Variants in APEX2 observed in about 807,000 individuals in gnomAD.
The protein encoded by APEX2 is DNA-(apurinic or apyrimidinic site) endonuclease 2.
APEX2 carries 4 observed loss-of-function variants against 16.7 expected under a neutral mutation model. The observed-to-expected ratio is 0.24, with a 90% CI of 0.12 to 0.55. The LOEUF is 0.55. APEX2 is among the 20% of genes least tolerant of loss of function. The probability of loss-of-function intolerance (pLI) is 0.94; values close to 1 mark genes in which losing one functional copy is unlikely to be tolerated. For synonymous variants in APEX2, 181 were observed against 166.9 expected (o/e 1.08, Z -0.65); for missense variants, 357 against 433.6 (o/e 0.82, Z 1.57).
Position 55,000,369 on chromosome X carries a change from C to A in APEX2, c.-54C>A. On this transcript the variant is annotated 5_prime_UTR_variant, in exon 1 of 6. Coordinates refer to ENST00000374987, the MANE Select transcript of APEX2 (RefSeq NM_014481.4). ...GCCTGGCCAACTTCTGAACAGGAAG[C>A]AGTTCGCTCGCGCCTAGGTTGGCGC... The A allele has an allele frequency of 9.2e-7, 1 of 1,091,774 alleles. No individual in the cohort carries two copies. 90.0% of individuals were successfully genotyped at this position (1,091,774 alleles called of 1,213,427 possible).
At chrX:55,002,212 G>A in intron 2 of APEX2, 39 bp from the exon 3 acceptor site, 1 of 1,129,958 alleles carries the variant, frequency 8.8e-7, no homozygotes, top group East Asian at 3.1e-5. Flanking sequence ...ACAGGCTATT[G>A]ACTGCCAGGT....
Position 55,006,832 on chromosome X carries a change from A to G in APEX2, c.954A>G (p.Ala318=). The part of the protein sequence containing the change: ...GAVLSVSSVP[A]KQCPPLCTRF... ...TCTTGAGTGTGTCCTCTGTGCCTGC[A>G]AAACAGTGCCCACCTCTGTGCACCC... Residue 318 remains alanine, a synonymous_variant, in exon 6 of 6, where the codon GCA becomes GCG. Coordinates refer to ENST00000374987, the MANE Select transcript of APEX2 (RefSeq NM_014481.4). 8.3e-7 allele frequency: 1 copy of G among 1,211,734 alleles called. No homozygotes were observed. The highest frequency in any genetic ancestry group is 1.1e-6 in the Non-Finnish European group (1 of 895,469).
intron 1 of APEX2, among the ~76,000 whole-genome samples, chrX:55,001,308 C>G (rs182546911): frequency 2.6e-4 from 29 of 110,701 alleles, no homozygotes; most frequent in African/African-American, 8.9e-4. Flanking sequence ...TAATTCTCCA[C>G]CTCCACTTCA....
At position 55,007,149 on chromosome X, in the gene APEX2, C is replaced by T. The variant is rs753975587; in HGVS notation, c.1271C>T (p.Pro424Leu). The change falls in exon 6 of 6, where the codon CCG (proline) becomes CTG (leucine). Residue 424 changes from proline (P) to leucine (L), a missense_variant. Transcript: ENST00000374987. The part of the protein sequence containing the change: ...SLPLMSALMT[P>L]KTPEEKAVAK... Reference sequence around the variant, plus strand: ...CCACTGATGAGCGCCCTCATGACCCCGAAGACTCCAGAAGAGAAGGCAGTG... The same window carrying T: ...CCACTGATGAGCGCCCTCATGACCCTGAAGACTCCAGAAGAGAAGGCAGTG... 1.1e-5 allele frequency: 13 copies of T among 1,210,212 alleles called. No homozygotes were observed. The highest frequency in any genetic ancestry group is 2.3e-4 in the Middle Eastern group (1 of 4,375).
intron 4 of APEX2, among the ~76,000 whole-genome samples, chrX:55,003,473 A>G (rs1383889565): frequency 2.7e-5 from 3 of 112,245 alleles, no homozygotes; most frequent in Non-Finnish European, 1.9e-5. Flanking sequence ...GGAGGACAGG[A>G]AAGTGAGGGT....
rs778478658 is a variant in APEX2, at chrX:55,003,065, C to T, written c.526C>T (p.Arg176Cys). 15 of 1,212,144 alleles carry T rather than the reference C, an allele frequency of 1.2e-5. No homozygotes were observed. Among genetic ancestry groups the T allele is most frequent in the Admixed American group, 1.1e-4 (5 of 46,113 alleles). Reference sequence around the variant, plus strand: ...GCTAGTCTTTAAGATGCGCTTCTATCGTTTGCTGCAAATCCGAGCAGAAGC... The same window carrying T: ...GCTAGTCTTTAAGATGCGCTTCTATTGTTTGCTGCAAATCCGAGCAGAAGC... ...ERLVFKMRFY[R>C]LLQIRAEALL... is the part of the protein sequence containing the mutation. The change falls in exon 4 of 6, where the codon CGT (arginine) becomes TGT (cysteine). Residue 176 changes from arginine to cysteine, a missense_variant. Coordinates refer to ENST00000374987, the MANE Select transcript of APEX2 (RefSeq NM_014481.4).
rs748384479 is a variant in APEX2 at position 55,000,395 on chromosome X, G to A, written c.-28G>A. ...AGTTCGCTCGCGCCTAGGTTGGCGC[G>A]GGCTGGGAGGTGTTCCAGCCCTTTA... On this transcript the variant is annotated 5_prime_UTR_variant, in exon 1 of 6. Transcript: ENST00000374987. The A allele has an allele frequency of 2.0e-5, 22 of 1,127,994 alleles. No individual in the cohort carries two copies. Among genetic ancestry groups the A allele is most frequent in the East Asian group, 3.4e-5 (1 of 29,453 alleles). 93.0% of individuals were successfully genotyped at this position (1,127,994 alleles called of 1,213,427 possible).
At chrX:55,003,194 C>A in intron 4 of APEX2, 86 bp downstream of exon 4, 1 of 1,066,351 alleles carries the variant, frequency 9.4e-7, no homozygotes, top group Admixed American at 2.9e-5. Flanking sequence ...GGGATATGGA[C>A]CCTTTGTCTC....
intron 3 of APEX2, 91 bp from the exon 4 acceptor site, chrX:55,002,871 A>G: frequency 9.7e-7 from 1 of 1,027,486 alleles, no homozygotes; most frequent in Non-Finnish European, 1.3e-6. Flanking sequence ...TCCATCCCAG[A>G]CAGTCACAAA....
At chrX:55,002,209 A>G (rs758357928) in intron 2 of APEX2, 42 bp from the exon 3 acceptor site, 35 of 1,120,027 alleles carry the variant, frequency 3.1e-5, no homozygotes, top group Non-Finnish European at 4.0e-5. Context: ...GCAACAGGCT[A>G]TTGACTGCCA....
At chrX:55,003,369 A>C (rs1935468780) in intron 4 of APEX2, among the ~76,000 whole-genome samples, 1 of 112,435 alleles carries the variant, frequency 8.9e-6, no homozygotes, top group African/African-American at 3.2e-5. Context: ...TTGTCAAATG[A>C]ATATATGAAT....
chrX:55,005,144 G>A (rs894183098), intron 5 of APEX2, among the ~76,000 whole-genome samples: 11 of 112,148 alleles, frequency 9.8e-5, no homozygotes, highest in African/African-American at 3.6e-4. Flanking sequence ...ATGAGCAGAA[G>A]TGAGAGAATG....
intron 3 of APEX2, 32 bp from the exon 4 acceptor site, chrX:55,002,930 T>A: frequency 8.4e-7 from 1 of 1,195,906 alleles, no homozygotes; most frequent in Non-Finnish European, 1.1e-6. Flanking sequence ...GGTTTGAAAC[T>A]GACCCCTTTT....
Position 55,001,601 on chromosome X carries a change from C to T in APEX2, c.213C>T (p.Ser71=), listed in dbSNP as rs746820180. 1.7e-6 allele frequency: 2 copies of T among 1,207,201 alleles called. No homozygotes were observed. The highest frequency in any genetic ancestry group is 4.4e-5 in the Admixed American group (2 of 45,590). ...AIVEGYNSYF[S]FSRNRSGYSG... is the part of the protein sequence containing the mutation. ...TTGAGGGTTATAACTCCTATTTCAG[C>T]TTCAGCCGCAACCGTAGCGGCTATT... The change falls in exon 2 of 6, where the codon AGC becomes AGT. Residue 71 remains serine, a synonymous_variant. Coordinates refer to ENST00000374987, the MANE Select transcript of APEX2 (RefSeq NM_014481.4).
Position 55,006,565 on chromosome X carries a change from C to G in APEX2, c.687C>G (p.Leu229=). 3 of 1,135,029 alleles carry G rather than the reference C, an allele frequency of 2.6e-6. No homozygotes were observed. The highest frequency in any genetic ancestry group is 3.5e-6 in the Non-Finnish European group (3 of 858,502). The allele number at this position is 1,135,029 out of a possible 1,213,427, so 93.5% of individuals were successfully genotyped here. ...GGCGCAAGTGGATGGACAGCTTGCT[C>G]AGTAACTTGGGGTGCCAGTCTGCCT... ...DPGRKWMDSL[L]SNLGCQSASH... The change falls in exon 6 of 6, where the codon CTC becomes CTG. Residue 229 remains leucine (L), a synonymous_variant. Coordinates refer to ENST00000374987, the MANE Select transcript of APEX2 (RefSeq NM_014481.4).
chrX:55,001,517 T>A, intron 1 of APEX2, 29 bp from the exon 2 acceptor site: 1 of 1,141,469 alleles, frequency 8.8e-7, no homozygotes, highest in Non-Finnish European at 1.2e-6. Context: ...GTTTTACCTC[T>A]GACTTAATCT....
intron 5 of APEX2, 36 bp downstream of exon 5, chrX:55,003,904 ACTGAT>A (rs1397879617): frequency 1.7e-6 from 2 of 1,180,470 alleles, no homozygotes; most frequent in South Asian, 3.6e-5. Context: ...CCCACTCCTG[ACTGAT>A]TCTGTTTGTC....
intron 5 of APEX2, among the ~76,000 whole-genome samples, chrX:55,005,699 T>G (rs1050717858): frequency 9.0e-6 from 1 of 111,039 alleles, no homozygotes; most frequent in East Asian, 2.8e-4. Flanking sequence ...CTGCTGGTAT[T>G]CTGGTCTCCA....
At chrX:55,004,584 C>A (rs922181468) in intron 5 of APEX2, among the ~76,000 whole-genome samples, 1 of 111,840 alleles carries the variant, frequency 8.9e-6, no homozygotes, top group African/African-American at 3.3e-5. Flanking sequence ...ATTCAAGGCT[C>A]TCCTTGGTCT....
Sources: gnomAD v4.1 joint callset for allele counts (sites outside exome capture counted in the v4.1 genomes callset) on GRCh38, gnomAD v4.1.1 for gene constraint, MANE v1.5 for transcripts, NCBI Gene and HGNC (gene_info 2026-07-23, HGNC 2026-07-21) for gene names.